The following STXBP5L variants were observed in gnomAD, a reference collection of about 807,000 sequenced individuals.
STXBP5L encodes syntaxin-binding protein 5-like.
STXBP5L carries 65 observed loss-of-function variants against 144.5 expected under a neutral mutation model. The ratio of observed to expected loss-of-function variants is 0.45; its 90% CI spans 0.37 to 0.55. The LOEUF is 0.55. Ranked by LOEUF, STXBP5L falls within the 20% of genes least tolerant of loss-of-function variation. The pLI, the probability that STXBP5L is intolerant of heterozygous loss-of-function variation, is 0.00. For synonymous variants in STXBP5L, 505 were observed against 469.6 expected (o/e 1.08, Z -0.97); for missense variants, 1,298 against 1,405.5 (o/e 0.92, Z 1.22).
At chr3:121,037,301 G>A (rs1946831031) in intron 3 of STXBP5L, among the ~76,000 whole-genome samples, 1 of 151,020 alleles carries the variant, frequency 6.6e-6, no homozygotes, top group South Asian at 2.1e-4. Context: ...AGATGGGAGT[G>A]CAGAGGTGTG....
chr3:121,392,287 T>G (rs1401684520), intron 22 of STXBP5L, among the ~76,000 whole-genome samples: 1 of 152,102 alleles, frequency 6.6e-6, no homozygotes, highest in African/African-American at 2.4e-5. Flanking sequence ...GAGTGCCCTG[T>G]TTTTCCAGGT....
chr3:121,400,406 T>C (rs987531732), intron 22 of STXBP5L, among the ~76,000 whole-genome samples: 2 of 152,220 alleles, frequency 1.3e-5, no homozygotes, highest in Non-Finnish European at 2.9e-5. Context: ...GACTCTAGCA[T>C]GTGATCGGCC....
At position 121,300,091 on chromosome 3, in the gene STXBP5L, T is replaced by C. The variant is rs140131782; in HGVS notation, c.2111-18384T>C. Among the ~76,000 whole-genome samples the C allele has an allele frequency of 5.3e-5, 8 of 150,186 alleles. No homozygotes were observed. In the East Asian group the frequency reaches 1.2e-3, roughly 22 times the overall value. Reference sequence around the variant, plus strand: ...AGCAGTACAGAAACATACACACACATACAAATACAAGGGAAAAATATGAAT... The same window carrying C: ...AGCAGTACAGAAACATACACACACACACAAATACAAGGGAAAAATATGAAT... On this transcript the variant is annotated intron_variant, in intron 19 of 26. Transcript: ENST00000471454.
At chr3:120,928,164 C>T (rs1196852616) in intron 2 of STXBP5L, among the ~76,000 whole-genome samples, 1 of 152,160 alleles carries the variant, frequency 6.6e-6, no homozygotes, top group African/African-American at 2.4e-5. Context: ...TCAGTCAAAA[C>T]AAGATATAAA....
intron 18 of STXBP5L, among the ~76,000 whole-genome samples, chr3:121,260,791 A>C (rs918809674): frequency 6.6e-6 from 1 of 152,136 alleles, no homozygotes; most frequent in African/African-American, 2.4e-5. Context: ...ACCATCAGTA[A>C]GGAGTCCATG....
At chr3:120,914,834 T>A (rs1028471673) in intron 2 of STXBP5L, among the ~76,000 whole-genome samples, 3 of 152,156 alleles carry the variant, frequency 2.0e-5, no homozygotes, top group African/African-American at 7.2e-5. Flanking sequence ...AAGACTAAGA[T>A]GCTAACAAGC....
At chr3:121,242,371 C>G (rs1257714511) in intron 14 of STXBP5L, among the ~76,000 whole-genome samples, 1 of 151,900 alleles carries the variant, frequency 6.6e-6, no homozygotes, top group Non-Finnish European at 1.5e-5. Context: ...ATATTTAACA[C>G]AATTATAAAT....
intron 5 of STXBP5L, among the ~76,000 whole-genome samples, chr3:121,105,676 A>G (rs1355748481): frequency 1.3e-5 from 2 of 152,160 alleles, no homozygotes; most frequent in Admixed American, 1.3e-4. Flanking sequence ...GATTTAAAAA[A>G]AAGCTGTTAG....
chr3:121,091,319 G>T (rs1431595652), intron 5 of STXBP5L, among the ~76,000 whole-genome samples: 1 of 147,540 alleles, frequency 6.8e-6, no homozygotes, highest in Non-Finnish European at 1.5e-5. Flanking sequence ...GGGTCAAATG[G>T]TATTTCTAGT....
At chr3:120,971,662 C>CACAT (rs1559930131) in intron 3 of STXBP5L, among the ~76,000 whole-genome samples, 1 of 147,544 alleles carries the variant, frequency 6.8e-6, no homozygotes, top group African/African-American at 2.6e-5. Flanking sequence ...CACACACACA[C>CACAT]ATATACATTC....
At chr3:121,191,562 T>A (rs946680480) in intron 9 of STXBP5L, among the ~76,000 whole-genome samples, 1 of 150,758 alleles carries the variant, frequency 6.6e-6, no homozygotes, top group Non-Finnish European at 1.5e-5. Context: ...GGGAGAGGGA[T>A]AGGGAGATAG....
intron 5 of STXBP5L, among the ~76,000 whole-genome samples, chr3:121,078,337 C>T (rs1294685218): frequency 1.3e-5 from 2 of 152,088 alleles, no homozygotes; most frequent in Admixed American, 6.5e-5. Flanking sequence ...CTGAGCTAGA[C>T]ACAGGGTGCT....
chr3:121,303,884 G>C (rs187847949), intron 19 of STXBP5L, among the ~76,000 whole-genome samples: 219 of 152,166 alleles, frequency 1.4e-3, no homozygotes, highest in African/African-American at 5.1e-3. Flanking sequence ...GTTGTGGGGT[G>C]GGGGGAGTGG....
chr3:121,005,993 AG>A (rs762753748), intron 3 of STXBP5L, among the ~76,000 whole-genome samples: 7 of 152,148 alleles, frequency 4.6e-5, no homozygotes, highest in Non-Finnish European at 1.0e-4. Flanking sequence ...CTTTTGGAAT[AG>A]GTATGGTGTG....
chr3:120,928,013 T>C (rs1482533031), intron 2 of STXBP5L, among the ~76,000 whole-genome samples: 2 of 152,144 alleles, frequency 1.3e-5, no homozygotes, highest in Non-Finnish European at 2.9e-5. Context: ...TGCTAAGAGC[T>C]GAACATTTGG....
At chr3:121,021,551 A>G (rs1456379224) in intron 3 of STXBP5L, among the ~76,000 whole-genome samples, 2 of 152,188 alleles carry the variant, frequency 1.3e-5, no homozygotes, top group Non-Finnish European at 2.9e-5. Context: ...AAGAAAATCG[A>G]AATTATAGCA....
At chr3:121,027,457 G>A (rs1946030617) in intron 3 of STXBP5L, among the ~76,000 whole-genome samples, 1 of 152,076 alleles carries the variant, frequency 6.6e-6, no homozygotes, top group African/African-American at 2.4e-5. Context: ...TAATATCAAT[G>A]TGTTGGAAGA....
At chr3:121,407,132 G>C in intron 22 of STXBP5L, 111 bp from the exon 23 acceptor site, 1 of 1,295,332 alleles carries the variant, frequency 7.7e-7, no homozygotes. Flanking sequence ...ATATACATTA[G>C]GGCAATATTA....
chr3:121,034,395 T>C (rs1337160170), intron 3 of STXBP5L, among the ~76,000 whole-genome samples: 5 of 152,142 alleles, frequency 3.3e-5, no homozygotes, highest in Non-Finnish European at 7.4e-5. Flanking sequence ...ATTTCACAGT[T>C]TCTGAGTTGA....
Sources: gnomAD v4.1 joint callset for allele counts (sites outside exome capture counted in the v4.1 genomes callset) on GRCh38, gnomAD v4.1.1 for gene constraint, MANE v1.5 for transcripts, NCBI Gene and HGNC (gene_info 2026-07-23, HGNC 2026-07-21) for gene names.